Variants in NCAM2 observed in about 807,000 individuals in gnomAD.
The protein encoded by NCAM2 is neural cell adhesion molecule 2.
A neutral mutation model predicts 98.1 loss-of-function variants in NCAM2; 30 were observed. The observed-to-expected ratio is 0.31, with a 90% confidence interval of 0.23 to 0.41. NCAM2 has a LOEUF of 0.41. Ranked by LOEUF, NCAM2 falls within the 10% of genes least tolerant of loss-of-function variation. The pLI is 1.00. For missense variants in NCAM2, 867 were observed against 1,005.8 expected (o/e 0.86, Z 1.87); for synonymous variants, 368 against 342.4 (o/e 1.07, Z -0.83).
chr21:21,041,830 G>T (rs1416680476), intron 1 of NCAM2, among the ~76,000 whole-genome samples: 3 of 152,148 alleles, frequency 2.0e-5, no homozygotes, highest in South Asian at 4.1e-4. Context: ...TGATTATTCT[G>T]ATCTTGGTTG....
rs1989881583 is a variant in NCAM2 at position 21,534,559 on chromosome 21, A to G, written c.2305A>G (p.Ile769Val). The change falls in exon 17 of 18, where the codon ATA (isoleucine) becomes GTA (valine). Residue 769 changes from isoleucine (I) to valine (V), a missense_variant. Ile to Val is a conservative substitution (Grantham distance 29, BLOSUM62 3). Around this residue, in one of 5 missense-constraint regions of NCAM2, gnomAD observed 125 missense variants for 116.1 expected, o/e 1.08. Coordinates refer to ENST00000400546, the MANE Select transcript of NCAM2 (RefSeq NM_004540.5). ...TAGGAAAGATGGATCAAAAGAACCA[A>G]TAGTGGAGATGAGAACAGAGGATGA... ...AYLKDGSKEP[I>V]VEMRTEDERV... The G allele has an allele frequency of 6.2e-7, 1 of 1,600,002 alleles. No homozygotes were observed. Among genetic ancestry groups the G allele is most frequent in the African/African-American group, 1.3e-5 (1 of 74,418 alleles).
At chr21:21,080,262 A>G (rs770539559) in intron 1 of NCAM2, among the ~76,000 whole-genome samples, 7 of 152,188 alleles carry the variant, frequency 4.6e-5, no homozygotes, top group Admixed American at 1.3e-4. Context: ...TAAAGCTATT[A>G]TAAACAGATA....
chr21:21,037,860 A>G (rs1271754542), intron 1 of NCAM2, among the ~76,000 whole-genome samples: 1 of 152,194 alleles, frequency 6.6e-6, no homozygotes, highest in African/African-American at 2.4e-5. Flanking sequence ...CATACATGGA[A>G]GAATGGTTTA....
At chr21:21,267,427 C>T (rs1388821014) in intron 1 of NCAM2, among the ~76,000 whole-genome samples, 1 of 152,108 alleles carries the variant, frequency 6.6e-6, no homozygotes, top group Admixed American at 6.6e-5. Flanking sequence ...GTATTATTTG[C>T]TTATAACTTC....
At chr21:21,010,124 C>T (rs1411989185) in intron 1 of NCAM2, among the ~76,000 whole-genome samples, 1 of 151,914 alleles carries the variant, frequency 6.6e-6, no homozygotes, top group Admixed American at 6.6e-5. Context: ...ATTACTAGTG[C>T]TTCTGATTTA....
chr21:21,226,779 G>C (rs775569329), intron 1 of NCAM2: 2 of 152,016 alleles, frequency 1.3e-5, no homozygotes, highest in Non-Finnish European at 2.9e-5. Context: ...AAGTATAGTT[G>C]AATCACTTTA....
rs368073488 is a variant in NCAM2 at position 21,502,292 on chromosome 21, T to G, written c.2078-6559T>G. 1.4e-3 allele frequency among the ~76,000 whole-genome samples: 212 copies of G among 152,086 alleles called. 1 individual carries two copies. The highest frequency in any genetic ancestry group is 4.9e-3 in the African/African-American group (202 of 41,552). On this transcript the variant is annotated intron_variant, in intron 15 of 17. Transcript: ENST00000400546. ...ATTCTCTCAATTTTCTATCCATGTA[T>G]CAAATTTATTTAATTGTAGGATTAA...
intron 5 of NCAM2, among the ~76,000 whole-genome samples, chr21:21,295,366 T>C (rs1048661140): frequency 1.3e-4 from 19 of 151,844 alleles, no homozygotes; most frequent in African/African-American, 4.3e-4. Context: ...CTCTGTGACT[T>C]TCTTAATGTG....
At chr21:21,065,950 G>T (rs761275737) in intron 1 of NCAM2, among the ~76,000 whole-genome samples, 4 of 152,122 alleles carry the variant, frequency 2.6e-5, no homozygotes, top group Admixed American at 6.5e-5. Context: ...CATGGTATGT[G>T]TACCAAATGA....
At chr21:21,251,478 C>A (rs1180640072) in intron 1 of NCAM2, among the ~76,000 whole-genome samples, 1 of 152,168 alleles carries the variant, frequency 6.6e-6, no homozygotes, top group African/African-American at 2.4e-5. Context: ...CTGCAAAGGA[C>A]ATGATCTCAT....
chr21:21,043,631 T>G (rs1234033184), intron 1 of NCAM2, among the ~76,000 whole-genome samples: 1 of 151,230 alleles, frequency 6.6e-6, no homozygotes, highest in East Asian at 1.9e-4. Flanking sequence ...GGTGGGCGGG[T>G]CACAAGGTCA....
chr21:21,529,785 C>T (rs1006442680), intron 16 of NCAM2, among the ~76,000 whole-genome samples: 1 of 151,576 alleles, frequency 6.6e-6, no homozygotes, highest in African/African-American at 2.4e-5. Flanking sequence ...TAAAACATAA[C>T]ATAGTATTAG....
At chr21:21,002,639 C>T (rs2064040411) in intron 1 of NCAM2, among the ~76,000 whole-genome samples, 1 of 152,056 alleles carries the variant, frequency 6.6e-6, no homozygotes, top group Non-Finnish European at 1.5e-5. Context: ...TATCTCTTTT[C>T]AGGGTCATCT....
intron 1 of NCAM2, among the ~76,000 whole-genome samples, chr21:21,259,186 AAC>A (rs1247162530): frequency 6.6e-6 from 1 of 152,076 alleles, no homozygotes; most frequent in African/African-American, 2.4e-5. Context: ...TTCCCCTCCC[AAC>A]ACAGTGTGGC....
At chr21:21,086,170 G>T (rs1462264442) in intron 1 of NCAM2, among the ~76,000 whole-genome samples, 2 of 152,182 alleles carry the variant, frequency 1.3e-5, no homozygotes, top group Admixed American at 6.5e-5. Context: ...CTGTAAAAGA[G>T]ATAAAAAGTG....
At chr21:21,522,099 TAAG>T (rs1989049250) in intron 16 of NCAM2, among the ~76,000 whole-genome samples, 1 of 148,028 alleles carries the variant, frequency 6.8e-6, no homozygotes, top group African/African-American at 2.5e-5. Context: ...TATACATGAA[TAAG>T]AATATATATG....
chr21:21,367,285 A>T (rs1438015986), intron 8 of NCAM2, among the ~76,000 whole-genome samples: 1 of 151,912 alleles, frequency 6.6e-6, no homozygotes, highest in Admixed American at 6.6e-5. Flanking sequence ...TGTTACATCG[A>T]TATATTACAT....
intron 1 of NCAM2, among the ~76,000 whole-genome samples, chr21:21,069,588 C>T (rs757418227): frequency 6.6e-6 from 1 of 152,144 alleles, no homozygotes; most frequent in Non-Finnish European, 1.5e-5. Flanking sequence ...ACTTTTCGAC[C>T]TACCCTTCCT....
intron 1 of NCAM2, among the ~76,000 whole-genome samples, chr21:21,094,492 T>TA (rs911893285): frequency 1.3e-5 from 2 of 151,832 alleles, no homozygotes; most frequent in Non-Finnish European, 2.9e-5. Flanking sequence ...ATAGTTTATC[T>TA]AGAAGATAAA....
Sources: gnomAD v4.1 joint callset for allele counts (sites outside exome capture counted in the v4.1 genomes callset) on GRCh38, gnomAD v4.1.1 for gene constraint, gnomAD v4.1.1 regional missense constraint, MANE v1.5 for transcripts, NCBI Gene and HGNC (gene_info 2026-07-23, HGNC 2026-07-21) for gene names.